FRMD4A: variants seen among roughly 807,000 people sequenced by gnomAD.
FRMD4A encodes FERM domain containing 4A.
Under a neutral mutation model 129.1 loss-of-function variants are expected in FRMD4A, and 29 were observed. That is an observed-to-expected ratio of 0.22 (90% CI 0.17 to 0.31). The LOEUF (loss-of-function observed/expected upper bound fraction) is 0.31, where lower values mean the gene tolerates loss of function less well. FRMD4A is among the 10% of genes least tolerant of loss of function. The probability of loss-of-function intolerance (pLI) is 1.00; values close to 1 mark genes in which losing one functional copy is unlikely to be tolerated. For synonymous variants in FRMD4A, 634 were observed against 571.6 expected, an observed-to-expected ratio of 1.11 and a Z score of -1.56; for missense variants, 1,272 against 1,375.8, an observed-to-expected ratio of 0.92 and a Z score of 1.19.
Position 13,685,314 on chromosome 10 carries a change from G to C in FRMD4A, c.1117+8584C>G, listed in dbSNP as rs577659795. ...GCTTTGCTTTCTGGCTAGATTCCATGGCTCACTGGCACTCGGTGAAGAGTG... is the reference window on the plus strand; with the variant it reads ...GCTTTGCTTTCTGGCTAGATTCCATCGCTCACTGGCACTCGGTGAAGAGTG... On this transcript the variant is annotated intron_variant, in intron 15 of 24. Transcript: ENST00000357447. 17 of 985,128 alleles carry C rather than the reference G, an allele frequency of 1.7e-5. No homozygotes were observed. The African/African-American group carries it at 3.0e-4, about 17-fold the overall frequency. 61.0% of individuals were successfully genotyped at this position (985,128 alleles called of 1,614,324 possible).
At chr10:13,775,993 C>A (rs371898725) in intron 6 of FRMD4A, among the ~76,000 whole-genome samples, 2 of 152,114 alleles carry the variant, frequency 1.3e-5, no homozygotes, top group African/African-American at 4.8e-5. Context: ...GGATTAGTCA[C>A]GATAATGTCA....
Position 14,262,183 on chromosome 10 carries a change from C to T in FRMD4A, c.45+67875G>A, listed in dbSNP as rs73601289. On this transcript the variant is annotated intron_variant, in intron 2 of 24. Transcript: ENST00000357447. ...ACCACTGCAGAGAGATTTCACATTTCAGTCCCTGCCTTTCTCCAAATTTCT... is the reference window on the plus strand; with the variant it reads ...ACCACTGCAGAGAGATTTCACATTTTAGTCCCTGCCTTTCTCCAAATTTCT... Among the ~76,000 whole-genome samples the T allele has an allele frequency of 8.2e-3, 1,251 of 152,266 alleles. 19 individuals carry two copies. The highest frequency in any genetic ancestry group is 0.028 in the African/African-American group (1,152 of 41,536).
chr10:13,929,382 T>C (rs912357977), intron 2 of FRMD4A, among the ~76,000 whole-genome samples: 2 of 152,202 alleles, frequency 1.3e-5, no homozygotes, highest in African/African-American at 4.8e-5. Context: ...TGTGTCCACC[T>C]GGCAGGTGCA....
intron 5 of FRMD4A, among the ~76,000 whole-genome samples, chr10:13,793,168 GT>G (rs1037206480): frequency 1.4e-5 from 2 of 145,898 alleles, no homozygotes; most frequent in African/African-American, 5.0e-5. Context: ...ATGACCCTCT[GT>G]TTCTTTTTTT....
chr10:13,834,349 A>T (rs1326488338), intron 3 of FRMD4A, among the ~76,000 whole-genome samples: 1 of 152,194 alleles, frequency 6.6e-6, no homozygotes, highest in East Asian at 1.9e-4. Flanking sequence ...ACAAGCAGCC[A>T]GGCAGCCTAA....
At chr10:14,058,567 G>A (rs1343385737) in intron 2 of FRMD4A, among the ~76,000 whole-genome samples, 3 of 152,184 alleles carry the variant, frequency 2.0e-5, no homozygotes. Flanking sequence ...CATTTCGTAA[G>A]AAGGATAAAG....
intron 2 of FRMD4A, among the ~76,000 whole-genome samples, chr10:14,077,750 G>C (rs372200086): frequency 6.6e-6 from 1 of 152,172 alleles, no homozygotes; most frequent in Non-Finnish European, 1.5e-5. Flanking sequence ...TTGAATTGTG[G>C]CTTGATGTCT....
Position 14,131,452 on chromosome 10 carries a change from A to C in FRMD4A, c.45+198606T>G, listed in dbSNP as rs190166144. ...GCTGAGTCACTTTGGTTCAATACCCAGCCTCGAAGATGAAGTCCAGTTACG... is the reference window on the plus strand; with the variant it reads ...GCTGAGTCACTTTGGTTCAATACCCCGCCTCGAAGATGAAGTCCAGTTACG... On this transcript the variant is annotated intron_variant, in intron 2 of 24. Coordinates refer to ENST00000357447, the MANE Select transcript of FRMD4A (RefSeq NM_018027.5). Among the ~76,000 whole-genome samples the C allele has an allele frequency of 7.5e-5, 11 of 147,358 alleles. No homozygotes were observed. The East Asian group carries it at 2.4e-3, about 32-fold the overall frequency.
At chr10:13,667,071 C>A (rs139978320) in intron 17 of FRMD4A, among the ~76,000 whole-genome samples, 1 of 152,128 alleles carries the variant, frequency 6.6e-6, no homozygotes, top group South Asian at 2.1e-4. Context: ...GCCACCACAC[C>A]TTGCTAACTT....
chr10:14,129,214 G>A (rs1382372137), intron 2 of FRMD4A, among the ~76,000 whole-genome samples: 1 of 151,308 alleles, frequency 6.6e-6, no homozygotes, highest in African/African-American at 2.4e-5. Flanking sequence ...CGATAGTGAA[G>A]TACCTTATTA....
chr10:14,176,467 T>C (rs887496819), intron 2 of FRMD4A, among the ~76,000 whole-genome samples: 2 of 27,594 alleles, frequency 7.2e-5, no homozygotes, highest in South Asian at 2.1e-3. Flanking sequence ...CACCTCCATC[T>C]TTTTTTTTTT....
At chr10:13,799,903 G>C (rs1306027899) in intron 4 of FRMD4A, among the ~76,000 whole-genome samples, 1 of 152,050 alleles carries the variant, frequency 6.6e-6, no homozygotes, top group African/African-American at 2.4e-5. Context: ...ACCTAGGCTG[G>C]GTGAGGTAGC....
At chr10:14,072,745 C>T (rs929582633) in intron 2 of FRMD4A, among the ~76,000 whole-genome samples, 1 of 152,146 alleles carries the variant, frequency 6.6e-6, no homozygotes, top group African/African-American at 2.4e-5. Context: ...AATCATTTCC[C>T]ACTGAGATTC....
At chr10:13,763,213 C>A (rs2092147507) in intron 6 of FRMD4A, among the ~76,000 whole-genome samples, 2 of 152,074 alleles carry the variant, frequency 1.3e-5, no homozygotes, top group Non-Finnish European at 2.9e-5. Flanking sequence ...GCAGACTAGG[C>A]CCCAGCATTT....
chr10:13,769,897 T>A (rs1202298370), intron 6 of FRMD4A, among the ~76,000 whole-genome samples: 4 of 152,130 alleles, frequency 2.6e-5, no homozygotes, highest in African/African-American at 9.7e-5. Context: ...GGTTCTCAGG[T>A]CTTTGGACTC....
At chr10:14,228,679 A>G (rs1169529688) in intron 2 of FRMD4A, among the ~76,000 whole-genome samples, 2 of 152,216 alleles carry the variant, frequency 1.3e-5, no homozygotes, top group Non-Finnish European at 2.9e-5. Flanking sequence ...CCAACCCAAC[A>G]GGAGATTCAC....
intron 2 of FRMD4A, among the ~76,000 whole-genome samples, chr10:14,266,849 G>A (rs1415280473): frequency 1.3e-5 from 2 of 152,168 alleles, no homozygotes; most frequent in Non-Finnish European, 2.9e-5. Context: ...GTGACTAGAT[G>A]TATATAAAAA....
At chr10:14,122,734 C>T (rs1487176848) in intron 2 of FRMD4A, among the ~76,000 whole-genome samples, 1 of 151,968 alleles carries the variant, frequency 6.6e-6, no homozygotes, top group Non-Finnish European at 1.5e-5. Context: ...AATCACCTCC[C>T]ACCAGGACCC....
chr10:13,983,987 A>G (rs1220612001), intron 2 of FRMD4A, among the ~76,000 whole-genome samples: 1 of 151,762 alleles, frequency 6.6e-6, no homozygotes, highest in Non-Finnish European at 1.5e-5. Flanking sequence ...TGGGTGGCAG[A>G]AGGAGACTCT....
Sources: gnomAD v4.1 joint callset for allele counts (sites outside exome capture counted in the v4.1 genomes callset) on GRCh38, gnomAD v4.1.1 for gene constraint, MANE v1.5 for transcripts, NCBI Gene and HGNC (gene_info 2026-07-23, HGNC 2026-07-21) for gene names.